The following PTBP1 variants were observed in gnomAD, a reference collection of about 807,000 sequenced individuals.
The protein encoded by PTBP1 is polypyrimidine tract-binding protein 1.
A neutral mutation model predicts 59.8 loss-of-function variants in PTBP1; 8 were observed. That is an observed-to-expected ratio of 0.13 (90% confidence interval 0.08 to 0.24). The LOEUF is 0.24. Ranked by LOEUF, PTBP1 falls within the 10% of genes least tolerant of loss-of-function variation. The probability of loss-of-function intolerance (pLI) is 1.00; values close to 1 mark genes in which losing one functional copy is unlikely to be tolerated. For missense variants in PTBP1, 686 were observed against 767.0 expected, an observed-to-expected ratio of 0.89 and a Z score of 1.25; for synonymous variants, 490 against 320.7, an observed-to-expected ratio of 1.53 and a Z score of -5.64.
chr19:797,603 T>C, intron 1 of PTBP1, 98 bp downstream of exon 1: 4 of 837,704 alleles, frequency 4.8e-6, no homozygotes, highest in Non-Finnish European at 6.3e-6. Context: ...TCGCCCCCTC[T>C]CGGGCGGGAG....
At chr19:799,284 A>T in intron 1 of PTBP1, 129 bp from the exon 2 acceptor site, 1 of 849,236 alleles carries the variant, frequency 1.2e-6, no homozygotes. Context: ...GGCCTCGTGC[A>T]GCCAGAGGGA....
rs2034532122 is a variant in PTBP1, at chr19:805,669, C to G, written c.970+100C>G. ...GGCGGCAGCCTGGGCGGACTGGGCA[C>G]TCGAGTGCCAGGTCAGGGGCCCTTC... On this transcript the variant is annotated intron_variant, in intron 9 of 14. Transcript: ENST00000356948. The G allele has an allele frequency of 2.9e-6, 3 of 1,025,030 alleles. No homozygotes were observed. In the Admixed American group the frequency reaches 5.3e-5, roughly 18 times the overall value. The allele number at this position is 1,025,030 out of a possible 1,614,324, so 63.5% of individuals were successfully genotyped here. A position where few individuals can be genotyped will look rare whatever the true frequency, so the allele number is the denominator to read the frequency against.
chr19:808,150 G>A lies in PTBP1; in HGVS notation c.1154-210G>A. ...ATGCCACCGTGGCCACCCGCTGGCA[G>A]CTTACCTGTCCTGGATGCTATGACT... On this transcript the variant is annotated intron_variant, in intron 11 of 14. Transcript: ENST00000356948. This position sits in a 1 kb window ranked among gnomAD's most constrained non-coding sequence, Gnocchi z 4.7. 4 of 633,450 alleles carry A rather than the reference G, an allele frequency of 6.3e-6. No homozygotes were observed. Among genetic ancestry groups the A allele is most frequent in the Non-Finnish European group, 1.1e-5 (4 of 354,694 alleles). 39.2% of individuals were successfully genotyped at this position (633,450 alleles called of 1,614,324 possible).
intron 13 of PTBP1, among the ~76,000 whole-genome samples, chr19:810,177 C>T (rs942865228): frequency 2.0e-5 from 3 of 152,180 alleles, no homozygotes; most frequent in Admixed American, 1.3e-4. Flanking sequence ...CATGGTGTTG[C>T]GTGCCTGTAA....
intron 9 of PTBP1, 53 bp from the exon 10 acceptor site, chr19:806,355 C>T: frequency 6.5e-7 from 1 of 1,543,954 alleles, no homozygotes; most frequent in East Asian, 2.5e-5. Context: ...GCCTCTCCCA[C>T]TCTGCGGTGG....
chr19:799,555 G>A lies in PTBP1; in HGVS notation c.39+112G>A, dbSNP rs564218671. The A allele has an allele frequency of 9.2e-4, 948 of 1,031,216 alleles. 6 individuals are homozygous for A. In the African/African-American group the frequency reaches 0.011, roughly 12 times the overall value. The allele number at this position is 1,031,216 out of a possible 1,614,324, so 63.9% of individuals were successfully genotyped here. On this transcript the variant is annotated intron_variant, in intron 2 of 14. Coordinates refer to ENST00000356948, the MANE Select transcript of PTBP1 (RefSeq NM_002819.5). The stretch of plus-strand genomic sequence containing the variant: ...CTAGAGGGCGCTTTTCCATTCCTAA[G>A]GGGCACTACCCTTGGTCTGGAATCT...
In PTBP1 at chr19:811,092, GGTGGGGCCTGTGTCGGGC is replaced by G. The variant is rs1410190881; in HGVS notation, c.*277_*294del. On this transcript the variant is annotated 3_prime_UTR_variant, in exon 15 of 15. Coordinates refer to ENST00000356948, the MANE Select transcript of PTBP1 (RefSeq NM_002819.5). ...GGCCAGACCCTCGGGGCCATGCCTT[GGTGGGGCCTGTGTCGGGC>G]GTGGGGCCTGCAGGTGGGCGCCCCG... The G allele has an allele frequency of 9.1e-5, 34 of 372,736 alleles. No individual in the cohort carries two copies. The East Asian group carries it at 1.3e-3, about 14-fold the overall frequency. The allele number at this position is 372,736 out of a possible 1,614,324, so 23.1% of individuals were successfully genotyped here.
Position 804,120 on chromosome 19 carries a change from C to G in PTBP1, c.200C>G (p.Pro67Arg), listed in dbSNP as rs748051240. ...AGAGTGATCCACATCCGGAAGCTCC[C>G]CATCGACGTCACGGAGGGGGAAGTC... ...PSRVIHIRKLPIDVTEGEVIS... is the reference protein window; with the variant it reads ...PSRVIHIRKLRIDVTEGEVIS... The change falls in exon 4 of 15, where the codon CCC becomes CGC. Residue 67 changes from proline (P) to arginine (R), a missense_variant. Pro to Arg is a moderately radical substitution (Grantham distance 103). Transcript: ENST00000356948. 6.2e-7 allele frequency: 1 copy of G among 1,613,888 alleles called. No individual in the cohort carries two copies. The highest frequency in any genetic ancestry group is 8.5e-7 in the Non-Finnish European group (1 of 1,179,892).
rs754904592 is a variant in PTBP1 at position 806,452 on chromosome 19, A to G, written c.1015A>G (p.Ile339Val). 10 of 1,600,604 alleles carry G rather than the reference A, an allele frequency of 6.2e-6. No individual in the cohort carries two copies. Among genetic ancestry groups the G allele is most frequent in the Non-Finnish European group, 8.5e-6 (10 of 1,173,856 alleles). ...NVHGALAPLAIPSAAAAAAAA... is the reference protein window; with the variant it reads ...NVHGALAPLAVPSAAAAAAAA... ...CCACGGCGCCCTGGCCCCCCTGGCCATCCCCTCGGCGGCGGCGGCAGCTGC... is the reference window on the plus strand; with the variant it reads ...CCACGGCGCCCTGGCCCCCCTGGCCGTCCCCTCGGCGGCGGCGGCAGCTGC... Residue 339 changes from isoleucine (I) to valine (V), a missense_variant, in exon 10 of 15, where the codon ATC becomes GTC. Ile to Val is a conservative substitution (Grantham distance 29, BLOSUM62 3). Transcript: ENST00000356948.
At chr19:801,183 TCAA>T (rs2034316205) in intron 2 of PTBP1, among the ~76,000 whole-genome samples, 1 of 152,168 alleles carries the variant, frequency 6.6e-6, no homozygotes, top group African/African-American at 2.4e-5. Context: ...GCGTTTCCTG[TCAA>T]TCTGTGTGCT....
chr19:812,182 G>T lies in PTBP1; in HGVS notation c.*1356G>T, dbSNP rs1460089050. 1 of 152,568 alleles carries T rather than the reference G, an allele frequency of 6.6e-6. No homozygotes were observed. The highest frequency in any genetic ancestry group is 1.9e-4 in the East Asian group (1 of 5,178). 9.5% of individuals were successfully genotyped at this position (152,568 alleles called of 1,614,324 possible). A position where few individuals can be genotyped will look rare whatever the true frequency, so the allele number is the denominator to read the frequency against. ...ATTCCGTTGCCTTACCCGATGGCTT[G>T]TGACGCGGAGAGAACCGATTAAAAC... is the stretch of plus-strand genomic sequence containing the variant. On this transcript the variant is annotated 3_prime_UTR_variant, in exon 15 of 15. Coordinates refer to ENST00000356948, the MANE Select transcript of PTBP1 (RefSeq NM_002819.5).
rs1274297418 is a variant in PTBP1, at chr19:808,832, TC to T, written c.1463+71del. 4 of 1,435,442 alleles carry T rather than the reference TC, an allele frequency of 2.8e-6. No homozygotes were observed. Among genetic ancestry groups the T allele is most frequent in the Non-Finnish European group, 3.8e-6 (4 of 1,042,534 alleles). The allele number at this position is 1,435,442 out of a possible 1,614,324, so 88.9% of individuals were successfully genotyped here. A position where few individuals can be genotyped will look rare whatever the true frequency, so the allele number is the denominator to read the frequency against. ...GGCTCTGCTTGGCTGTCCTACCGCG[TC>T]GGTGTGTGGACTTCTGGCGTTTCCA... On this transcript the variant is annotated intron_variant, in intron 13 of 14. Coordinates refer to ENST00000356948, the MANE Select transcript of PTBP1 (RefSeq NM_002819.5). This position sits in a 1 kb window ranked among gnomAD's most constrained non-coding sequence, Gnocchi z 4.7.
intron 13 of PTBP1, among the ~76,000 whole-genome samples, chr19:809,095 G>A (rs188438595): frequency 1.3e-5 from 2 of 152,128 alleles, no homozygotes; most frequent in East Asian, 1.9e-4. Context: ...TGCAACCTCC[G>A]CCTCTTGGGT....
chr19:804,644 T>C lies in PTBP1; in HGVS notation c.548T>C (p.Val183Ala). 2 of 1,613,012 alleles carry C rather than the reference T, an allele frequency of 1.2e-6. No individual in the cohort carries two copies. The highest frequency in any genetic ancestry group is 1.7e-6 in the Non-Finnish European group (2 of 1,179,840). ...ATGGCGATGGCCGGGCAGAGCCCCG[T>C]GCTCAGGATCATCGTGGAGAACCTC... is the stretch of plus-strand genomic sequence containing the variant. ...AGMAMAGQSP[V>A]LRIIVENLFY... Residue 183 changes from valine to alanine, a missense_variant, in exon 6 of 15, where the codon GTG becomes GCG. Transcript: ENST00000356948.
Position 808,730 on chromosome 19 carries a change from G to T in PTBP1, c.1431G>T (p.Pro477=). ...PGSKNFQNIF[P]PSATLHLSNI... ...CCAAGAACTTCCAGAACATATTCCCGCCCTCGGCCACGCTGCACCTCTCCA... is the reference window on the plus strand; with the variant it reads ...CCAAGAACTTCCAGAACATATTCCCTCCCTCGGCCACGCTGCACCTCTCCA... Residue 477 remains proline (P), a synonymous_variant, in exon 13 of 15, where the codon CCG becomes CCT. Coordinates refer to ENST00000356948, the MANE Select transcript of PTBP1 (RefSeq NM_002819.5). The surrounding 1 kb of genome is among the most constrained non-coding windows in gnomAD (Gnocchi z 4.7). 6.2e-7 allele frequency: 1 copy of T among 1,612,764 alleles called. No individual in the cohort carries two copies. Among genetic ancestry groups the T allele is most frequent in the Non-Finnish European group, 8.5e-7 (1 of 1,179,724 alleles).
rs546664851 is a variant in PTBP1, at chr19:808,286, C to T, written c.1154-74C>T. 42 of 1,286,562 alleles carry T rather than the reference C, an allele frequency of 3.3e-5. No individual in the cohort carries two copies. Among genetic ancestry groups the T allele is most frequent in the African/African-American group, 8.9e-5 (6 of 67,668 alleles). The allele number at this position is 1,286,562 out of a possible 1,614,324, so 79.7% of individuals were successfully genotyped here. A position where few individuals can be genotyped will look rare whatever the true frequency, so the allele number is the denominator to read the frequency against. ...CTGAGCCGGGCCTTGTGGGGGTGCG[C>T]GGGGCCGGGGCTGACGGGGAGATGG... On this transcript the variant is annotated intron_variant, in intron 11 of 14. Transcript: ENST00000356948. This position sits in a 1 kb window ranked among gnomAD's most constrained non-coding sequence, Gnocchi z 4.7.
chr19:810,779 G>T lies in PTBP1; in HGVS notation c.1627G>T (p.Gly543Trp). Residue 543 changes from glycine (G) to tryptophan (W), a missense_variant, in exon 15 of 15, where the codon GGG (glycine) becomes TGG (tryptophan). Physicochemically the swap from Gly to Trp is radical, Grantham distance 184. Coordinates refer to ENST00000356948, the MANE Select transcript of PTBP1 (RefSeq NM_002819.5). Reference sequence around the variant, plus strand: ...CATTGACCTGCACAACCACGACCTCGGGGAGAACCACCACCTGCGGGTCTC... The same window carrying T: ...CATTGACCTGCACAACCACGACCTCTGGGAGAACCACCACCTGCGGGTCTC... ...ALIDLHNHDLGENHHLRVSFS... is the reference protein window; with the variant it reads ...ALIDLHNHDLWENHHLRVSFS... 6.2e-7 allele frequency: 1 copy of T among 1,602,112 alleles called. No individual in the cohort carries two copies. The highest frequency in any genetic ancestry group is 8.5e-7 in the Non-Finnish European group (1 of 1,176,054).
chr19:808,784 TCATGGGGCC>T lies in PTBP1; in HGVS notation c.1463+23_1463+31del, dbSNP rs757003960. ...TCCCGTGAGTGCTGGGCCGGGGGGC[TCATGGGGCC>T]GGGGGCGGGCAAGGGCTCTGCTTGG... is the stretch of plus-strand genomic sequence containing the variant. On this transcript the variant is annotated intron_variant, in intron 13 of 14. Transcript: ENST00000356948. The surrounding 1 kb of genome is among the most constrained non-coding windows in gnomAD (Gnocchi z 4.7). 3.3e-6 allele frequency: 5 copies of T among 1,534,258 alleles called. No homozygotes were observed. The highest frequency in any genetic ancestry group is 4.5e-6 in the Non-Finnish European group (5 of 1,118,852).
At chr19:807,751 C>T in intron 10 of PTBP1, 118 bp from the exon 11 acceptor site, 2 of 746,142 alleles carry the variant, frequency 2.7e-6, no homozygotes, top group South Asian at 1.6e-5. Context: ...CTTCATCATC[C>T]ATCAACCACT....
Sources: gnomAD v4.1 joint callset for allele counts (sites outside exome capture counted in the v4.1 genomes callset) on GRCh38, gnomAD v4.1.1 for gene constraint, Gnocchi (gnomAD v3.1) non-coding constraint, MANE v1.5 for transcripts, NCBI Gene and HGNC (gene_info 2026-07-23, HGNC 2026-07-21) for gene names.